Variants in ZDHHC24 observed in about 807,000 individuals in gnomAD.
ZDHHC24 encodes the protein probable palmitoyltransferase ZDHHC24.
A neutral mutation model predicts 23.2 loss-of-function variants in ZDHHC24; 17 were observed. The observed-to-expected ratio is 0.73, with a 90% confidence interval of 0.50 to 1.10. The LOEUF (loss-of-function observed/expected upper bound fraction) is 1.10, where lower values mean the gene tolerates loss of function less well. ZDHHC24 is among the 50% of genes least tolerant of loss of function. The pLI, the probability that ZDHHC24 is intolerant of heterozygous loss-of-function variation, is 0.00. For missense variants in ZDHHC24, 366 were observed against 393.0 expected, an observed-to-expected ratio of 0.93 and a Z score of 0.58; for synonymous variants, 186 against 194.5, an observed-to-expected ratio of 0.96 and a Z score of 0.36.
downstream of ZDHHC24, among the ~76,000 whole-genome samples, chr11:66,534,353 G>T (rs973531877): frequency 6.9e-6 from 1 of 144,764 alleles, no homozygotes; most frequent in African/African-American, 2.5e-5. Context: ...TGAGGCAGGA[G>T]AATTGCTTGA....
chr11:66,521,193 C>A, exon 5 of ZDHHC24: 1 of 1,084,262 alleles, frequency 9.2e-7, no homozygotes, highest in Non-Finnish European at 1.4e-6. Context: ...CAGGCACTCA[C>A]TCAGAGGAGT....
chr11:66,530,625 G>A (rs1856736295), intron 2 of ZDHHC24, among the ~76,000 whole-genome samples: 1 of 152,196 alleles, frequency 6.6e-6, no homozygotes, highest in Admixed American at 6.5e-5. Context: ...AACAGGCAGG[G>A]GGTGGGGGTG....
At chr11:66,540,018 C>G (rs57288351) in intron 2 of ZDHHC24, among the ~76,000 whole-genome samples, 194 bp from the exon 3 acceptor site, 1 of 152,066 alleles carries the variant, frequency 6.6e-6, no homozygotes, top group Non-Finnish European at 1.5e-5. Flanking sequence ...ACTTGGGATA[C>G]GGCTTCATTC....
chr11:66,521,754 A>C, intron 4 of ZDHHC24: 1 of 308,088 alleles, frequency 3.2e-6, no homozygotes, highest in South Asian at 3.0e-5. Context: ...AAAAATACAA[A>C]ATTAGCTGGG....
chr11:66,521,483 C>T lies in ZDHHC24; in HGVS notation c.*22-17G>A, dbSNP rs182329044. 3.7e-4 allele frequency: 325 copies of T among 882,972 alleles called. 2 individuals are homozygous for T. In the African/African-American group the frequency reaches 5.0e-3, roughly 14 times the overall value. 54.7% of individuals were successfully genotyped at this position (882,972 alleles called of 1,614,324 possible). ...GCTTTAAGGCTGGAATTTGGAAATG[C>T]AAAGAGCTGAGAACTTCATAAAGGA... On this transcript the variant is annotated splice_polypyrimidine_tract_variant and intron_variant, in intron 4 of 4. Transcript: ENST00000526986.
At chr11:66,531,916 G>A, downstream of ZDHHC24, 2 of 1,569,608 alleles carry the variant, frequency 1.3e-6, no homozygotes, top group Non-Finnish European at 1.7e-6. Context: ...GGTCAGGGGT[G>A]TATGCCCCCT....
downstream of ZDHHC24, chr11:66,531,102 C>T: frequency 6.3e-7 from 1 of 1,586,996 alleles, no homozygotes; most frequent in East Asian, 2.3e-5. Flanking sequence ...CCCACAGAGC[C>T]CCGCCAGGTC....
intron 3 of ZDHHC24, chr11:66,529,058 G>A (rs1856645576): frequency 1.0e-6 from 1 of 982,418 alleles, no homozygotes; most frequent in Non-Finnish European, 1.2e-6. Flanking sequence ...AAAATAAATT[G>A]TAAAAGTACT....
intron 2 of ZDHHC24, among the ~76,000 whole-genome samples, chr11:66,541,007 C>T (rs1403987088): frequency 6.6e-6 from 1 of 152,140 alleles, no homozygotes; most frequent in Non-Finnish European, 1.5e-5. Flanking sequence ...CTAATGGGTA[C>T]GGGGTTTCTT....
At position 66,543,819 on chromosome 11, in the gene ZDHHC24, G is replaced by C. The variant is rs751956084; in HGVS notation, c.444C>G (p.Gly148=). The C allele has an allele frequency of 3.1e-6, 5 of 1,613,558 alleles. No homozygotes were observed. The highest frequency in any genetic ancestry group is 4.2e-6 in the Non-Finnish European group (5 of 1,179,756). ...PFLCLLLHAA[G]VLLHVSVLLG... is the part of the protein sequence containing the mutation. Reference sequence around the variant, plus strand: ...GCAGCACAGAGACGTGGAGCAGGACGCCGGCGGCATGAAGCAGCAGGCACA... The same window carrying C: ...GCAGCACAGAGACGTGGAGCAGGACCCCGGCGGCATGAAGCAGCAGGCACA... Residue 148 remains glycine (G), a synonymous_variant, in exon 2 of 3, where the codon GGC becomes GGG. Coordinates refer to ENST00000310442, the MANE Select transcript of ZDHHC24 (RefSeq NM_207340.3).
At position 66,545,722 on chromosome 11, in the gene ZDHHC24, C is replaced by A; in HGVS notation, c.281+1G>T. On this transcript the variant is annotated splice_donor_variant, in intron 1 of 2. Transcript: ENST00000310442. LOFTEE classifies it high-confidence loss of function. This position sits in a 1 kb window ranked among gnomAD's most constrained non-coding sequence, Gnocchi z 4.5. ...CCCGCCCGATCCCGCACCCCACTCA[C>A]GCCCAGCCCTGGCCCAGACCGCGGC... 2 of 1,551,676 alleles carry A rather than the reference C, an allele frequency of 1.3e-6. No homozygotes were observed. Among genetic ancestry groups the A allele is most frequent in the Non-Finnish European group, 1.7e-6 (2 of 1,155,600 alleles).
downstream of ZDHHC24, among the ~76,000 whole-genome samples, chr11:66,534,471 C>T (rs1268868555): frequency 1.0e-5 from 1 of 97,120 alleles, no homozygotes; most frequent in African/African-American, 4.1e-5. Flanking sequence ...AAAAAAAAAG[C>T]GAAACTCTGT....
At chr11:66,532,166 C>T (rs574111594), downstream of ZDHHC24, 85 of 972,018 alleles carry the variant, frequency 8.7e-5, no homozygotes, top group Non-Finnish European at 2.1e-5. Context: ...CTTAAGCACC[C>T]GCTTCCTCAC....
intron 2 of ZDHHC24, among the ~76,000 whole-genome samples, chr11:66,540,862 G>A (rs1195814736): frequency 6.6e-6 from 1 of 152,108 alleles, no homozygotes; most frequent in Admixed American, 6.5e-5. Flanking sequence ...CTCTAAGTGA[G>A]AGAAGCCAGG....
rs756096355 is a variant in ZDHHC24 at position 66,545,747 on chromosome 11, C to T, written c.257G>A (p.Gly86Asp). Reference protein sequence around the residue: ...DPSIRGVMLAGRGLGQGWAYC... With the variant: ...DPSIRGVMLADRGLGQGWAYC... The stretch of plus-strand genomic sequence containing the variant: ...CGCCCAGCCCTGGCCCAGACCGCGG[C>T]CGGCCAGCATCACGCCACGGATGCT... Residue 86 changes from glycine to aspartate, a missense_variant, in exon 1 of 3, where the codon GGC (glycine) becomes GAC (aspartate). Physicochemically the swap from Gly to Asp is moderately conservative, Grantham distance 94 (BLOSUM62 -1). Transcript: ENST00000310442. The surrounding 1 kb of genome is among the most constrained non-coding windows in gnomAD (Gnocchi z 4.5). 2 of 1,584,920 alleles carry T rather than the reference C, an allele frequency of 1.3e-6. No homozygotes were observed. Among genetic ancestry groups the T allele is most frequent in the South Asian group, 1.1e-5 (1 of 88,034 alleles).
rs150444177 is a variant in ZDHHC24 at position 66,526,711 on chromosome 11, G to A, written c.*21+225C>T. ...AGTGTTTGTAGAGGGAGGAAGTGAG[G>A]TGGGTCCCCCACCAGCCCAGGCCAT... On this transcript the variant is annotated intron_variant, in intron 4 of 4. Transcript: ENST00000526986. 125 of 1,614,076 alleles carry A rather than the reference G, an allele frequency of 7.7e-5. No homozygotes were observed. The highest frequency in any genetic ancestry group is 1.0e-4 in the Non-Finnish European group (123 of 1,180,048).
rs1450959853 is a variant in ZDHHC24, at chr11:66,545,562, T to C, written c.281+161A>G. Reference sequence around the variant, plus strand: ...CAATAAGTATTTGCGAGTAAATAAATAACACTCAATTCTAGCTCTTCCATC... The same window carrying C: ...CAATAAGTATTTGCGAGTAAATAAACAACACTCAATTCTAGCTCTTCCATC... On this transcript the variant is annotated intron_variant, in intron 1 of 2. Transcript: ENST00000310442. The surrounding 1 kb of genome is among the most constrained non-coding windows in gnomAD (Gnocchi z 4.5). Among the ~76,000 whole-genome samples the C allele has an allele frequency of 6.6e-6, 1 of 152,172 alleles. No individual in the cohort carries two copies.
At chr11:66,523,659 C>T in intron 4 of ZDHHC24, 2 of 1,610,790 alleles carry the variant, frequency 1.2e-6, no homozygotes, top group East Asian at 2.2e-5. Context: ...GCTTCCCCAC[C>T]CCAGAAACCG....
chr11:66,532,276 C>T, downstream of ZDHHC24: 1 of 570,460 alleles, frequency 1.8e-6, no homozygotes, highest in Non-Finnish European at 3.1e-6. Flanking sequence ...TGAAGTCCTA[C>T]TACGCCCTCC....
Sources: gnomAD v4.1 joint callset for allele counts (sites outside exome capture counted in the v4.1 genomes callset) on GRCh38, gnomAD v4.1.1 for gene constraint, Gnocchi (gnomAD v3.1) non-coding constraint, MANE v1.5 for transcripts, NCBI Gene and HGNC (gene_info 2026-07-23, HGNC 2026-07-21) for gene names.